RAB31: variants seen among roughly 807,000 people sequenced by gnomAD.
RAB31 encodes the protein ras-related protein Rab-31.
A neutral mutation model predicts 25.6 loss-of-function variants in RAB31; 21 were observed. The observed-to-expected ratio is 0.82, with a 90% CI of 0.58 to 1.18. The LOEUF (loss-of-function observed/expected upper bound fraction) is 1.18. RAB31 is among the 50% of genes most tolerant of loss of function. The pLI, the probability that RAB31 is intolerant of heterozygous loss-of-function variation, is 0.00. For synonymous variants in RAB31, 87 were observed against 84.0 expected, an observed-to-expected ratio of 1.04 and a Z score of -0.20; for missense variants, 196 against 250.1, an observed-to-expected ratio of 0.78 and a Z score of 1.46.
chr18:9,845,348 G>A (rs891652310), intron 5 of RAB31, among the ~76,000 whole-genome samples: 16 of 152,166 alleles, frequency 1.1e-4, no homozygotes, highest in African/African-American at 3.6e-4. Flanking sequence ...TTCTTCTGTG[G>A]GAGCAGGAAC....
At chr18:9,832,660 C>T (rs1300163380) in intron 5 of RAB31, among the ~76,000 whole-genome samples, 2 of 152,180 alleles carry the variant, frequency 1.3e-5, no homozygotes, top group South Asian at 2.1e-4. Context: ...GTAGGGACCA[C>T]GTGGAGGACA....
chr18:9,848,278 CTCTG>C (rs2068771474), intron 6 of RAB31, among the ~76,000 whole-genome samples: 1 of 152,024 alleles, frequency 6.6e-6, no homozygotes, highest in Admixed American at 6.6e-5. Context: ...GCCTGTCTGT[CTCTG>C]TCTGTCCTTC....
At chr18:9,748,635 G>A (rs2068217848) in intron 1 of RAB31, among the ~76,000 whole-genome samples, 1 of 152,174 alleles carries the variant, frequency 6.6e-6, no homozygotes, top group African/African-American at 2.4e-5. Flanking sequence ...GCTCATGCCT[G>A]TAATCCCAGC....
rs560813492 is a variant in RAB31, at chr18:9,811,133, G to A, written c.202-2887G>A. Among the ~76,000 whole-genome samples, 42 of 152,346 alleles carry A rather than the reference G, an allele frequency of 2.8e-4. No individual in the cohort carries two copies. In the South Asian group the frequency reaches 7.7e-3, roughly 28 times the overall value. ...GGCAAATGTCGCTGTCCCCAAGTGC[G>A]TTCTGGAATGGGGGCAGTGGGTGGC... On this transcript the variant is annotated intron_variant, in intron 3 of 6. Transcript: ENST00000578921.
At chr18:9,723,862 A>G (rs891775309) in intron 1 of RAB31, 2 of 152,124 alleles carry the variant, frequency 1.3e-5, no homozygotes, top group African/African-American at 4.8e-5. Flanking sequence ...CATCCCTATA[A>G]CCCAAACACC....
At chr18:9,833,324 G>T (rs934480751) in intron 5 of RAB31, among the ~76,000 whole-genome samples, 1 of 152,134 alleles carries the variant, frequency 6.6e-6, no homozygotes, top group Non-Finnish European at 1.5e-5. Flanking sequence ...GGTTCTGCCC[G>T]CAGCCCACAG....
chr18:9,708,882 T>A lies in RAB31; in HGVS notation c.39+438T>A, dbSNP rs938661014. The stretch of plus-strand genomic sequence containing the variant: ...CGAGGGCTTTCTCCTCCGCTTTTGA[T>A]AGTTTCCTTCCGGCAGAAAGTTTAA... On this transcript the variant is annotated intron_variant, in intron 1 of 6. Coordinates refer to ENST00000578921, the MANE Select transcript of RAB31 (RefSeq NM_006868.4). The surrounding 1 kb of genome is among the most constrained non-coding windows in gnomAD (Gnocchi z 6.4). 2.0e-5 allele frequency among the ~76,000 whole-genome samples: 3 copies of A among 152,218 alleles called. No individual in the cohort carries two copies. The highest frequency in any genetic ancestry group is 1.3e-4 in the Admixed American group (2 of 15,282).
At chr18:9,800,979 C>G (rs1203947004) in intron 3 of RAB31, among the ~76,000 whole-genome samples, 2 of 152,188 alleles carry the variant, frequency 1.3e-5, no homozygotes, top group Non-Finnish European at 1.5e-5. Context: ...AGTTCCCCCT[C>G]TACATCCCCC....
intron 2 of RAB31, among the ~76,000 whole-genome samples, chr18:9,790,405 A>AC (rs573039349): frequency 6.7e-6 from 1 of 149,048 alleles, no homozygotes; most frequent in Non-Finnish European, 1.5e-5. Context: ...AAAAAAAAAA[A>AC]TTTTTTTTTT....
chr18:9,840,033 C>G (rs1301169675), intron 5 of RAB31, among the ~76,000 whole-genome samples: 1 of 152,168 alleles, frequency 6.6e-6, no homozygotes, highest in Admixed American at 6.5e-5. Flanking sequence ...AGCTGGCCAC[C>G]GCTGCTGCTT....
chr18:9,809,972 G>C (rs946565062), intron 3 of RAB31, among the ~76,000 whole-genome samples: 4 of 152,226 alleles, frequency 2.6e-5, no homozygotes, highest in African/African-American at 9.7e-5. Flanking sequence ...AGAGCCTGAA[G>C]AAGGCCGTTC....
intron 4 of RAB31, among the ~76,000 whole-genome samples, chr18:9,814,487 A>G (rs551741956): frequency 2.6e-5 from 4 of 152,358 alleles, no homozygotes; most frequent in Non-Finnish European, 4.4e-5. Flanking sequence ...GTGTGTATAT[A>G]TAAGTATATT....
chr18:9,800,786 CT>C (rs1555688890), intron 3 of RAB31, among the ~76,000 whole-genome samples: 138 of 151,652 alleles, frequency 9.1e-4, no homozygotes, highest in African/African-American at 2.9e-3. Flanking sequence ...ACCAGCCCCC[CT>C]TTTTTTTTAT....
At chr18:9,744,165 A>G (rs2068193889) in intron 1 of RAB31, among the ~76,000 whole-genome samples, 1 of 152,202 alleles carries the variant, frequency 6.6e-6, no homozygotes, top group African/African-American at 2.4e-5. Flanking sequence ...ATTACTGAGT[A>G]TTTCCAGTGG....
intron 1 of RAB31, among the ~76,000 whole-genome samples, chr18:9,731,797 T>C (rs1209865890): frequency 1.3e-5 from 2 of 151,998 alleles, no homozygotes; most frequent in East Asian, 3.9e-4. Context: ...GGTTTTGCCA[T>C]GTTGGCCAGG....
chr18:9,790,120 A>T (rs1322142427), intron 2 of RAB31, among the ~76,000 whole-genome samples: 1 of 152,228 alleles, frequency 6.6e-6, no homozygotes, highest in Non-Finnish European at 1.5e-5. Flanking sequence ...TAATAAGAAC[A>T]TAATGAGGAC....
chr18:9,744,852 A>G (rs1208384820), intron 1 of RAB31, among the ~76,000 whole-genome samples: 1 of 152,232 alleles, frequency 6.6e-6, no homozygotes, highest in South Asian at 2.1e-4. Context: ...ATAAACACCT[A>G]CATTAAAAAA....
intron 2 of RAB31, among the ~76,000 whole-genome samples, chr18:9,782,391 G>A (rs1347485477): frequency 1.3e-5 from 2 of 152,162 alleles, no homozygotes; most frequent in African/African-American, 4.8e-5. Flanking sequence ...GGAATCACAC[G>A]ACCATTGGTA....
At chr18:9,786,202 T>C (rs1291125279) in intron 2 of RAB31, among the ~76,000 whole-genome samples, 1 of 152,176 alleles carries the variant, frequency 6.6e-6, no homozygotes, top group Admixed American at 6.5e-5. Context: ...GCCTATGTAA[T>C]GAAGCCTCCA....
Sources: allele counts gnomAD v4.1 joint callset (sites outside exome capture counted in the v4.1 genomes callset), GRCh38; gene constraint gnomAD v4.1.1; non-coding constraint Gnocchi (gnomAD v3.1); transcripts MANE v1.5; gene names NCBI Gene and HGNC (gene_info 2026-07-23, HGNC 2026-07-21).